Variants in PLRG1 observed in about 807,000 individuals in gnomAD.
PLRG1 encodes pleiotropic regulator 1, also known as pleiotropic regulator 1 (PRL1 homolog, Arabidopsis).
Under a neutral mutation model 74.9 loss-of-function variants are expected in PLRG1, and 28 were observed. The ratio of observed to expected loss-of-function variants is 0.37; its 90% CI spans 0.28 to 0.51. The LOEUF is 0.51. Ranked by LOEUF, PLRG1 falls within the 20% of genes least tolerant of loss-of-function variation. The pLI is 0.91. For synonymous variants in PLRG1, 197 were observed against 212.4 expected (o/e 0.93, Z 0.63); for missense variants, 445 against 631.9 (o/e 0.70, Z 3.17).
chr4:154,535,811 C>T lies in PLRG1; in HGVS notation c.*874G>A, dbSNP rs1237361889. 9 of 152,100 alleles carry T rather than the reference C, an allele frequency of 5.9e-5. No homozygotes were observed. Among genetic ancestry groups the T allele is most frequent in the East Asian group, 1.9e-4 (1 of 5,194 alleles). 9.4% of individuals were successfully genotyped at this position (152,100 alleles called of 1,614,324 possible). On this transcript the variant is annotated 3_prime_UTR_variant, in exon 15 of 15. Coordinates refer to ENST00000499023, the MANE Select transcript of PLRG1 (RefSeq NM_002669.4). ...ATCTCCAGTTATTTTCCCCAAGTTT[C>T]AATACCAGTATTGGTATCCTACTAG...
At chr4:154,546,487 T>TACTGGA (rs1345496182) in intron 4 of PLRG1, 1 of 395,164 alleles carries the variant, frequency 2.5e-6, no homozygotes, top group Non-Finnish European at 4.6e-6. Flanking sequence ...ATTTGGGTAT[T>TACTGGA]AGTTTCAAGT....
chr4:154,537,473 T>C lies in PLRG1; in HGVS notation c.1298A>G (p.Asn433Ser), dbSNP rs540027540. The C allele has an allele frequency of 5.0e-6, 8 of 1,612,722 alleles. No homozygotes were observed. Among genetic ancestry groups the C allele is most frequent in the East Asian group, 4.5e-5 (2 of 44,872 alleles). ...SDGVLVSGAD[N>S]GTMHLWDWRT... Reference sequence around the variant, plus strand: ...CCAGTCCCAAAGATGCATGGTGCCATTGTCAGCTTAAAGGGAAAAATCTAG... The same window carrying C: ...CCAGTCCCAAAGATGCATGGTGCCACTGTCAGCTTAAAGGGAAAAATCTAG... The change falls in exon 14 of 15, where the codon AAT becomes AGT. Residue 433 changes from asparagine to serine, a missense_variant. This residue lies in a region of PLRG1 where 221 missense variants were observed against 377.7 expected (regional missense o/e 0.59). Transcript: ENST00000499023.
Position 154,540,890 on chromosome 4 carries a change from C to A in PLRG1, c.732G>T (p.Gly244=). The A allele has an allele frequency of 6.2e-7, 1 of 1,610,336 alleles. No homozygotes were observed. The highest frequency in any genetic ancestry group is 2.2e-5 in the East Asian group (1 of 44,800). Residue 244 remains glycine (G), a synonymous_variant, in exon 9 of 15, where the codon GGG becomes GGT. Coordinates refer to ENST00000499023, the MANE Select transcript of PLRG1 (RefSeq NM_002669.4). ...ASGKLKLSLT[G]HISTVRGVIV... is the part of the protein sequence containing the mutation. ...TCACGCCCCGCACAGTACTAATATGCCCAGTCAATGACAGTTTTAATTTGC... is the reference window on the plus strand; with the variant it reads ...TCACGCCCCGCACAGTACTAATATGACCAGTCAATGACAGTTTTAATTTGC...
intron 4 of PLRG1, 90 bp from the exon 5 acceptor site, chr4:154,546,303 C>T: frequency 1.4e-6 from 1 of 699,274 alleles, no homozygotes; most frequent in Non-Finnish European, 2.6e-6. Context: ...AAACATACAC[C>T]AAATGTTTAT....
intron 3 of PLRG1, 188 bp downstream of exon 3, chr4:154,547,523 T>G: frequency 5.0e-6 from 3 of 602,198 alleles, no homozygotes; most frequent in Non-Finnish European, 8.7e-6. Flanking sequence ...CATTTTTATT[T>G]CCTATAAGAA....
rs1291158391 is a variant in PLRG1 at position 154,535,173 on chromosome 4, C to T, written c.*1512G>A. Reference sequence around the variant, plus strand: ...TTATATTTTAGAGCATCAAGTTGTCCACAAAAATGCTTGCACAACTTTTTT... The same window carrying T: ...TTATATTTTAGAGCATCAAGTTGTCTACAAAAATGCTTGCACAACTTTTTT... On this transcript the variant is annotated 3_prime_UTR_variant, in exon 15 of 15. Coordinates refer to ENST00000499023, the MANE Select transcript of PLRG1 (RefSeq NM_002669.4). 6.6e-6 allele frequency: 1 copy of T among 151,596 alleles called. No homozygotes were observed. Among genetic ancestry groups the T allele is most frequent in the African/African-American group, 2.4e-5 (1 of 41,146 alleles). 9.4% of individuals were successfully genotyped at this position (151,596 alleles called of 1,614,324 possible). A position where few individuals can be genotyped will look rare whatever the true frequency, so the allele number is the denominator to read the frequency against.
chr4:154,536,629 CTT>C lies in PLRG1; in HGVS notation c.*54_*55del, dbSNP rs760345462. The C allele has an allele frequency of 1.2e-3, 934 of 796,814 alleles. No homozygotes were observed. The highest frequency in any genetic ancestry group is 1.4e-3 in the African/African-American group (73 of 52,374). The allele number at this position is 796,814 out of a possible 1,614,324, so 49.4% of individuals were successfully genotyped here. On this transcript the variant is annotated 3_prime_UTR_variant, in exon 15 of 15. Coordinates refer to ENST00000499023, the MANE Select transcript of PLRG1 (RefSeq NM_002669.4). ...ACTGGATATCCTCATGAACGCCAAG[CTT>C]TTTTTTTTTTAATTAAAAAGAAAAA...
chr4:154,537,558 C>T (rs1183220486), intron 13 of PLRG1, 79 bp from the exon 14 acceptor site: 1 of 978,070 alleles, frequency 1.0e-6, no homozygotes, highest in East Asian at 2.4e-5. Context: ...CATCATTAGC[C>T]CAAGCATGGG....
rs753072981 is a variant in PLRG1 at position 154,545,808 on chromosome 4, A to G, written c.492+28T>C. ...TGGCAACATGTTCCAAAAGTTAGAA[A>G]CCTGCTATTTGATGCAGAAAAACTT... On this transcript the variant is annotated intron_variant, in intron 6 of 14. Coordinates refer to ENST00000499023, the MANE Select transcript of PLRG1 (RefSeq NM_002669.4). The G allele has an allele frequency of 1.1e-5, 15 of 1,364,726 alleles. No individual in the cohort carries two copies. The Admixed American group carries it at 2.9e-4, about 26-fold the overall frequency. The allele number at this position is 1,364,726 out of a possible 1,614,324, so 84.5% of individuals were successfully genotyped here. A position where few individuals can be genotyped will look rare whatever the true frequency, so the allele number is the denominator to read the frequency against.
chr4:154,547,897 T>C, intron 2 of PLRG1, 44 bp from the exon 3 acceptor site: 1 of 1,403,242 alleles, frequency 7.1e-7, no homozygotes, highest in Non-Finnish European at 9.8e-7. Flanking sequence ...ATAAATACTT[T>C]AAAACAAACA....
rs572201986 is a variant in PLRG1 at position 154,535,274 on chromosome 4, T to C, written c.*1411A>G. 22 of 151,942 alleles carry C rather than the reference T, an allele frequency of 1.4e-4. No individual in the cohort carries two copies. The highest frequency in any genetic ancestry group is 4.1e-4 in the African/African-American group (17 of 41,454). 9.4% of individuals were successfully genotyped at this position (151,942 alleles called of 1,614,324 possible). A position where few individuals can be genotyped will look rare whatever the true frequency, so the allele number is the denominator to read the frequency against. On this transcript the variant is annotated 3_prime_UTR_variant, in exon 15 of 15. Coordinates refer to ENST00000499023, the MANE Select transcript of PLRG1 (RefSeq NM_002669.4). ...CTCTTAACGAATACTTAGAAACAAA[T>C]TGCATAAAGGTACCATCTATTAAAC...
At position 154,543,744 on chromosome 4, in the gene PLRG1, G is replaced by C. The variant is rs559459904; in HGVS notation, c.594+701C>G. 2.6e-5 allele frequency among the ~76,000 whole-genome samples: 4 copies of C among 152,118 alleles called. No homozygotes were observed. In the South Asian group the frequency reaches 6.2e-4, roughly 24 times the overall value. ...TTAGAGCTGTATGTCAAACAAAAAG[G>C]CTCTTACTGTACAATCATTTGAAAA... is the stretch of plus-strand genomic sequence containing the variant. On this transcript the variant is annotated intron_variant, in intron 7 of 14. Transcript: ENST00000499023.
intron 4 of PLRG1, 59 bp downstream of exon 4, chr4:154,546,952 G>T: frequency 8.2e-7 from 1 of 1,221,970 alleles, no homozygotes; most frequent in Non-Finnish European, 1.2e-6. Flanking sequence ...TTATTGGCTC[G>T]TTAGTGAAAA....
chr4:154,547,206 G>C, intron 3 of PLRG1, 142 bp from the exon 4 acceptor site: 2 of 706,808 alleles, frequency 2.8e-6, no homozygotes, highest in Non-Finnish European at 5.1e-6. Flanking sequence ...AGAAATAAGG[G>C]AAGTTGATCA....
chr4:154,540,383 A>G (rs1333878429), intron 10 of PLRG1: 3 of 589,156 alleles, frequency 5.1e-6, no homozygotes, highest in Non-Finnish European at 9.0e-6. Context: ...TTTCAGGGGC[A>G]GGGCACTAAT....
chr4:154,537,905 T>C, intron 13 of PLRG1, 64 bp downstream of exon 13: 1 of 940,762 alleles, frequency 1.1e-6, no homozygotes, highest in Non-Finnish European at 1.6e-6. Context: ...ATTACAAATG[T>C]TTATTCATCA....
Position 154,545,850 on chromosome 4 carries a change from T to C in PLRG1, c.478A>G (p.Thr160Ala), listed in dbSNP as rs557747987. 228 of 1,607,148 alleles carry C rather than the reference T, an allele frequency of 1.4e-4. No homozygotes were observed. Among genetic ancestry groups the C allele is most frequent in the Non-Finnish European group, 1.8e-4 (214 of 1,174,418 alleles). The change falls in exon 6 of 15, where the codon ACA becomes GCA. Residue 160 changes from threonine (T) to alanine (A), a missense_variant. Thr to Ala is a moderately conservative substitution (Grantham distance 58). This residue lies in a region of PLRG1 where 206 missense variants were observed against 210.8 expected (regional missense o/e 0.98). Coordinates refer to ENST00000499023, the MANE Select transcript of PLRG1 (RefSeq NM_002669.4). ...GAAAAACTTACTGAATTCATCGCTG[T>C]AGGCTGTGGACGGTCAGAAGCCCCA... is the stretch of plus-strand genomic sequence containing the variant. ...HPGASDRPQP[T>A]AMNSIVMETG...
chr4:154,548,937 T>TAA lies in PLRG1; in HGVS notation c.10-4_10-3dup. Reference sequence around the variant, plus strand: ...GTGTACAGAATGTTTCTGTACCTCCTAAAAAAAAAGAATGTAATTACACAC... The same window carrying TAA: ...GTGTACAGAATGTTTCTGTACCTCCTAAAAAAAAAAAGAATGTAATTACACAC... On this transcript the variant is annotated splice_polypyrimidine_tract_variant and splice_region_variant and intron_variant, in intron 1 of 14. Coordinates refer to ENST00000499023, the MANE Select transcript of PLRG1 (RefSeq NM_002669.4). 4 of 1,513,346 alleles carry TAA rather than the reference T, an allele frequency of 2.6e-6. No individual in the cohort carries two copies. The highest frequency in any genetic ancestry group is 1.8e-6 in the Non-Finnish European group (2 of 1,091,768). The allele number at this position is 1,513,346 out of a possible 1,614,324, so 93.7% of individuals were successfully genotyped here. A position where few individuals can be genotyped will look rare whatever the true frequency, so the allele number is the denominator to read the frequency against.
chr4:154,539,786 T>G (rs55903341), intron 11 of PLRG1, among the ~76,000 whole-genome samples, 165 bp downstream of exon 11: 41,378 of 152,012 alleles, frequency 0.27, 6,263 homozygotes, highest in Admixed American at 0.38. Context: ...AACAGTGGAA[T>G]GAAATTTCAT....
Sources: gnomAD v4.1 joint callset for allele counts (sites outside exome capture counted in the v4.1 genomes callset) on GRCh38, gnomAD v4.1.1 for gene constraint, gnomAD v4.1.1 regional missense constraint, MANE v1.5 for transcripts, NCBI Gene and HGNC (gene_info 2026-07-23, HGNC 2026-07-21) for gene names.